GATD1: variants seen among roughly 807,000 people sequenced by gnomAD.
GATD1 encodes the protein glutamine amidotransferase class 1 domain containing 1.
GATD1 carries 23 observed loss-of-function variants against 25.9 expected under a neutral mutation model. That is an observed-to-expected ratio of 0.89 (90% CI 0.64 to 1.26). The LOEUF is 1.26. Among genes scored for constraint, GATD1 ranks in the 50% most tolerant of loss-of-function variants. The probability of loss-of-function intolerance (pLI) is 0.00; values close to 1 mark genes in which losing one functional copy is unlikely to be tolerated. For synonymous variants in GATD1, 177 were observed against 134.6 expected, an observed-to-expected ratio of 1.31 and a Z score of -2.18; for missense variants, 347 against 312.5, an observed-to-expected ratio of 1.11 and a Z score of -0.83.
In GATD1 at chr11:773,579, C is replaced by A; in HGVS notation, c.298G>T (p.Asp100Tyr). Residue 100 changes from aspartate (D) to tyrosine (Y), a missense_variant, in exon 4 of 8, where the codon GAC becomes TAC. By Grantham distance (160) the Asp-to-Tyr change is radical (BLOSUM62 -3). Transcript: ENST00000319863. ...GCCAGGGAGCCACTGCTGGCCAGGT[C>A]GGTCAGGGCCCCAGGACAGCTGGGG... ...LIPSCPGALT[D>Y]LASSGSLARI... The A allele has an allele frequency of 6.2e-7, 1 of 1,609,602 alleles. No homozygotes were observed. Among genetic ancestry groups the A allele is most frequent in the South Asian group, 1.1e-5 (1 of 90,736 alleles).
chr11:770,083 C>T lies in GATD1; in HGVS notation c.*814G>A. 8.3e-7 allele frequency: 1 copy of T among 1,202,730 alleles called. No homozygotes were observed. 74.5% of individuals were successfully genotyped at this position (1,202,730 alleles called of 1,614,324 possible). A position where few individuals can be genotyped will look rare whatever the true frequency, so the allele number is the denominator to read the frequency against. On this transcript the variant is annotated 3_prime_UTR_variant, in exon 8 of 8. Coordinates refer to ENST00000319863, the MANE Select transcript of GATD1 (RefSeq NM_182612.4). ...GAGGAAGTAGAGGGCCTAAGCCTCTCCTGGACGCCCTAACCTGGGGCCAGG... is the reference window on the plus strand; with the variant it reads ...GAGGAAGTAGAGGGCCTAAGCCTCTTCTGGACGCCCTAACCTGGGGCCAGG...
intron 4 of GATD1, 162 bp downstream of exon 4, chr11:773,360 G>T (rs1219512513): frequency 1.1e-5 from 7 of 622,408 alleles, no homozygotes; most frequent in Non-Finnish European, 2.0e-5. Context: ...GTCGGGGGAA[G>T]GGGCAGTCCC....
In GATD1 at chr11:770,985, G is replaced by T; in HGVS notation, c.656+8C>A. On this transcript the variant is annotated splice_region_variant and intron_variant, in intron 7 of 7. Coordinates refer to ENST00000319863, the MANE Select transcript of GATD1 (RefSeq NM_182612.4). ...GTGGCAGGAATGTGCCCACCCTGGT[G>T]CCCTCACCGGCTGCCACAGAGGAAG... 1 of 1,613,372 alleles carries T rather than the reference G, an allele frequency of 6.2e-7. No homozygotes were observed. Among genetic ancestry groups the T allele is most frequent in the South Asian group, 1.1e-5 (1 of 91,080 alleles).
In GATD1 at chr11:772,490, G is replaced by A. The variant is rs12224894; in HGVS notation, c.387C>T (p.Ala129=). 0.45 allele frequency: 729,314 copies of A among 1,610,554 alleles called. 172,622 individuals carry two copies. The highest frequency in any genetic ancestry group is 0.58 in the Admixed American group (34,598 of 59,876). ...CCTCGTTGGTGGCACAGCACAGGGC[G>A]GCGACACCGTGGCCGACGGCGCAGA... ...KPICAVGHGV[A]ALCCATNEDR... Residue 129 remains alanine, a synonymous_variant, in exon 5 of 8, where the codon GCC becomes GCT. Coordinates refer to ENST00000319863, the MANE Select transcript of GATD1 (RefSeq NM_182612.4).
In GATD1 at chr11:769,231, C is replaced by G; in HGVS notation, c.*1666G>C. ...GGCATCCTGACTAATCTGCGAGGCA[C>G]TGGAGGGACGCAGCCTTCAGGGCGG... On this transcript the variant is annotated 3_prime_UTR_variant, in exon 8 of 8. Transcript: ENST00000319863. The G allele has an allele frequency of 1.0e-6, 1 of 985,522 alleles. No homozygotes were observed. The highest frequency in any genetic ancestry group is 1.2e-6 in the Non-Finnish European group (1 of 829,958). 61.0% of individuals were successfully genotyped at this position (985,522 alleles called of 1,614,324 possible).
intron 1 of GATD1, 133 bp from the exon 2 acceptor site, chr11:775,275 A>G (rs7942564): frequency 0.48 from 317,697 of 660,616 alleles, 78,333 homozygotes; most frequent in East Asian, 0.58. Flanking sequence ...TACACCCAAG[A>G]ACGACTACTT....
chr11:767,268 A>C lies in GATD1; in HGVS notation c.*3629T>G. 6.5e-7 allele frequency: 1 copy of C among 1,536,096 alleles called. No individual in the cohort carries two copies. The highest frequency in any genetic ancestry group is 8.7e-7 in the Non-Finnish European group (1 of 1,146,878). On this transcript the variant is annotated 3_prime_UTR_variant, in exon 8 of 8. Coordinates refer to ENST00000319863, the MANE Select transcript of GATD1 (RefSeq NM_182612.4). Reference sequence around the variant, plus strand: ...TTATTCCTCATGGGTAGATGAACACACACTGGTATATGGGGAAATCCTCAC... The same window carrying C: ...TTATTCCTCATGGGTAGATGAACACCCACTGGTATATGGGGAAATCCTCAC...
chr11:771,257 G>A (rs776042175), intron 6 of GATD1, 76 bp downstream of exon 6: 28 of 1,561,858 alleles, frequency 1.8e-5, no homozygotes, highest in Non-Finnish European at 2.3e-5. Context: ...GGCCCAGGAG[G>A]CTTCTCCCCC....
intron 2 of GATD1, among the ~76,000 whole-genome samples, chr11:774,836 A>G (rs1003125955): frequency 1.3e-5 from 2 of 152,066 alleles, no homozygotes; most frequent in Non-Finnish European, 2.9e-5. Flanking sequence ...ATCTCAAAAA[A>G]AAAAGGAAAA....
chr11:771,266 C>T (rs1228172112), intron 6 of GATD1, 67 bp downstream of exon 6: 4 of 1,570,116 alleles, frequency 2.5e-6, no homozygotes, highest in Non-Finnish European at 3.5e-6. Flanking sequence ...GGCTTCTCCC[C>T]CAGGCTGCAG....
chr11:771,648 G>A (rs530539408), intron 5 of GATD1, among the ~76,000 whole-genome samples: 66 of 152,298 alleles, frequency 4.3e-4, no homozygotes, highest in Non-Finnish European at 9.4e-4. Flanking sequence ...GCCACTACAG[G>A]AGGACGGGCC....
intron 7 of GATD1, 26 bp from the exon 8 acceptor site, chr11:770,929 C>T (rs775346427): frequency 1.1e-5 from 17 of 1,612,462 alleles, no homozygotes; most frequent in African/African-American, 1.3e-5. Context: ...GTGGTCAAAG[C>T]TTGGGCAAAA....
chr11:767,237 A>G lies in GATD1; in HGVS notation c.*3660T>C, dbSNP rs1564997135. 9 of 1,535,560 alleles carry G rather than the reference A, an allele frequency of 5.9e-6. No individual in the cohort carries two copies. The East Asian group carries it at 1.7e-4, about 29-fold the overall frequency. On this transcript the variant is annotated 3_prime_UTR_variant, in exon 8 of 8. Transcript: ENST00000319863. Reference sequence around the variant, plus strand: ...CAGGACACCATTTGCATGCTGCTGCATGGTTTTATTCCTCATGGGTAGATG... The same window carrying G: ...CAGGACACCATTTGCATGCTGCTGCGTGGTTTTATTCCTCATGGGTAGATG...
At chr11:771,500 G>T in intron 5 of GATD1, 74 bp from the exon 6 acceptor site, 1 of 1,458,526 alleles carries the variant, frequency 6.9e-7, no homozygotes, top group East Asian at 2.4e-5. Flanking sequence ...GGAAGGTCAA[G>T]TCAGGGCAGG....
chr11:773,677 C>A, intron 3 of GATD1, 48 bp from the exon 4 acceptor site: 1 of 1,433,994 alleles, frequency 7.0e-7, no homozygotes, highest in Non-Finnish European at 9.6e-7. Context: ...CAAAGTGAGA[C>A]TACCTGCAGG....
chr11:770,021 G>T lies in GATD1; in HGVS notation c.*876C>A. Reference sequence around the variant, plus strand: ...TGTGGCTGAGACGGGGAGGTGGGCAGGAAGAAGGCCTTCGATGGCTCAAAC... The same window carrying T: ...TGTGGCTGAGACGGGGAGGTGGGCATGAAGAAGGCCTTCGATGGCTCAAAC... On this transcript the variant is annotated 3_prime_UTR_variant, in exon 8 of 8. Coordinates refer to ENST00000319863, the MANE Select transcript of GATD1 (RefSeq NM_182612.4). 1 of 1,088,310 alleles carries T rather than the reference G, an allele frequency of 9.2e-7. No individual in the cohort carries two copies. Among genetic ancestry groups the T allele is most frequent in the Non-Finnish European group, 1.1e-6 (1 of 897,054 alleles). The allele number at this position is 1,088,310 out of a possible 1,614,324, so 67.4% of individuals were successfully genotyped here.
In GATD1 at chr11:770,724, C is replaced by T. The variant is rs1418096497; in HGVS notation, c.*173G>A. ...GGGGGTTTGGACCCTCCAGGAGAGC[C>T]GACACCCCCTCAGAGCTGATTCCAG... On this transcript the variant is annotated 3_prime_UTR_variant, in exon 8 of 8. Transcript: ENST00000319863. The T allele has an allele frequency of 1.7e-5, 25 of 1,467,944 alleles. No homozygotes were observed. The highest frequency in any genetic ancestry group is 7.1e-5 in the East Asian group (3 of 42,304). 90.9% of individuals were successfully genotyped at this position (1,467,944 alleles called of 1,614,324 possible).
intron 3 of GATD1, 126 bp downstream of exon 3, chr11:773,882 C>T: frequency 3.6e-6 from 3 of 833,832 alleles, no homozygotes; most frequent in South Asian, 3.3e-5. Flanking sequence ...CTGGAGGCTG[C>T]CCCAAATGGT....
At chr11:777,363 G>T in intron 1 of GATD1, 36 bp downstream of exon 1, 1 of 1,271,718 alleles carries the variant, frequency 7.9e-7, no homozygotes, top group Non-Finnish European at 9.9e-7. Context: ...CCTCGCGGAC[G>T]CTCTTCGGAC....
Sources: allele counts gnomAD v4.1 joint callset (sites outside exome capture counted in the v4.1 genomes callset), GRCh38; gene constraint gnomAD v4.1.1; transcripts MANE v1.5; gene names NCBI Gene and HGNC (gene_info 2026-07-23, HGNC 2026-07-21).